The following PIEZO2 variants were observed in gnomAD, a reference collection of about 807,000 sequenced individuals.
PIEZO2 encodes the protein piezo type mechanosensitive ion channel component 2.
In PIEZO2, 172 loss-of-function variants were observed where a neutral mutation model predicts 337.3. The observed-to-expected ratio is 0.51, with a 90% confidence interval of 0.45 to 0.58. PIEZO2 has a LOEUF of 0.58. PIEZO2 is among the 20% of genes least tolerant of loss of function. The probability of loss-of-function intolerance (pLI) is 0.00; values close to 1 mark genes in which losing one functional copy is unlikely to be tolerated. For synonymous variants in PIEZO2, 1,251 were observed against 1,228.5 expected (o/e 1.02, Z -0.38); for missense variants, 3,028 against 3,391.3 (o/e 0.89, Z 2.66).
intron 2 of PIEZO2, among the ~76,000 whole-genome samples, chr18:10,995,081 A>AAAAAAAAAAAAAAAG (rs1555689841): frequency 5.8e-4 from 86 of 147,672 alleles, no homozygotes; most frequent in African/African-American, 1.6e-3. Flanking sequence ...CCGTCTCAAA[A>AAAAAAAAAAAAAAAG]AAAAAAAAAA....
At chr18:10,968,399 G>A (rs2034102209) in intron 3 of PIEZO2, among the ~76,000 whole-genome samples, 2 of 152,082 alleles carry the variant, frequency 1.3e-5, no homozygotes, top group Admixed American at 1.3e-4. Context: ...CTCCAGATTT[G>A]TTCTTTTTGG....
At chr18:11,029,626 C>G (rs953805435) in intron 2 of PIEZO2, among the ~76,000 whole-genome samples, 3 of 152,170 alleles carry the variant, frequency 2.0e-5, no homozygotes, top group African/African-American at 4.8e-5. Flanking sequence ...AACTTCAGTG[C>G]TTCTCAGCCT....
At position 11,104,957 on chromosome 18, in the gene PIEZO2, C is replaced by A. The variant is rs2039518933; in HGVS notation, c.65-38735G>T. Among the ~76,000 whole-genome samples, 1 of 152,088 alleles carries A rather than the reference C, an allele frequency of 6.6e-6. No individual in the cohort carries two copies. The highest frequency in any genetic ancestry group is 2.4e-5 in the African/African-American group (1 of 41,398). On this transcript the variant is annotated intron_variant, in intron 1 of 55. Coordinates refer to ENST00000674853, the MANE Select transcript of PIEZO2 (RefSeq NM_001378183.1). This position sits in a 1 kb window ranked among gnomAD's most constrained non-coding sequence, Gnocchi z 4.6. ...GGATCCCAGCAGGGCCACAGCGTGT[C>A]CTCTCTGGGACTTTCGCTGGAGCTA... is the stretch of plus-strand genomic sequence containing the variant.
At chr18:10,936,708 A>G (rs964004950) in intron 3 of PIEZO2, among the ~76,000 whole-genome samples, 2 of 152,250 alleles carry the variant, frequency 1.3e-5, no homozygotes, top group African/African-American at 4.8e-5. Context: ...AGGACAGGCA[A>G]TCAAAAACAT....
rs57885955 is a variant in PIEZO2, at chr18:11,143,600, AACACACAC to A, written c.64+4917_64+4924del. Among the ~76,000 whole-genome samples the A allele has an allele frequency of 0.18, 18,683 of 106,054 alleles. 1,888 individuals are homozygous for A. The highest frequency in any genetic ancestry group is 0.31 in the Middle Eastern group (49 of 156). 69.6% of individuals were successfully genotyped at this position (106,054 alleles called of 152,430 possible). A position where few individuals can be genotyped will look rare whatever the true frequency, so the allele number is the denominator to read the frequency against. ...AAAATCCTGAGAACTAAAAATCTCT[AACACACAC>A]ACACACACACACACACACACACACA... On this transcript the variant is annotated intron_variant, in intron 1 of 55. Coordinates refer to ENST00000674853, the MANE Select transcript of PIEZO2 (RefSeq NM_001378183.1). The surrounding 1 kb of genome is among the most constrained non-coding windows in gnomAD (Gnocchi z 4.9).
In PIEZO2 at chr18:11,131,016, C is replaced by T. The variant is rs973480103; in HGVS notation, c.64+17509G>A. Among the ~76,000 whole-genome samples, 19 of 152,310 alleles carry T rather than the reference C, an allele frequency of 1.2e-4. No individual in the cohort carries two copies. The highest frequency in any genetic ancestry group is 4.6e-4 in the African/African-American group (19 of 41,584). ...TAGGGATGCTGTTTGGAGCCTTTGG[C>T]AGGCTCTATAGGTGAATCACAGCAA... On this transcript the variant is annotated intron_variant, in intron 1 of 55. Transcript: ENST00000674853. The surrounding 1 kb of genome is among the most constrained non-coding windows in gnomAD (Gnocchi z 5.3).
chr18:11,075,812 A>G (rs1289756025), intron 1 of PIEZO2, among the ~76,000 whole-genome samples: 3 of 142,004 alleles, frequency 2.1e-5, no homozygotes, highest in African/African-American at 5.3e-5. Flanking sequence ...TTTTTGAGAC[A>G]GAGTCTCGCT....
intron 3 of PIEZO2, among the ~76,000 whole-genome samples, chr18:10,926,953 C>T (rs2031774220): frequency 6.6e-6 from 1 of 152,338 alleles, no homozygotes; most frequent in East Asian, 1.9e-4. Flanking sequence ...ACAGACACTT[C>T]CTGCCGCACA....
intron 2 of PIEZO2, among the ~76,000 whole-genome samples, chr18:11,030,552 A>G (rs919925613): frequency 1.3e-5 from 2 of 152,182 alleles, no homozygotes; most frequent in Non-Finnish European, 1.5e-5. Context: ...GCATTTATTC[A>G]CCATGATGTT....
Position 10,699,148 on chromosome 18 carries a change from C to T in PIEZO2, c.6471G>A (p.Met2157Ile), listed in dbSNP as rs1446816013. The part of the protein sequence containing the change: ...KCHGLWDEDD[M>I]TESGMAREES... ...CCTCCCTGGCCATGCCACTTTCAGT[C>T]ATGTCATCTTCATCCCATAAGCCAT... The change falls in exon 44 of 56, where the codon ATG (methionine) becomes ATA (isoleucine). Residue 2157 changes from methionine (M) to isoleucine (I), a missense_variant. Met to Ile is a conservative substitution (Grantham distance 10, BLOSUM62 1). This residue lies in a region of PIEZO2 where 1,925 missense variants were observed against 2,051.9 expected (regional missense o/e 0.94). Coordinates refer to ENST00000674853, the MANE Select transcript of PIEZO2 (RefSeq NM_001378183.1). 7.8e-6 allele frequency: 12 copies of T among 1,537,122 alleles called. No individual in the cohort carries two copies. The East Asian group carries it at 2.4e-4, about 31-fold the overall frequency.
chr18:10,841,804 T>TGGAGATCACA (rs1479294269), intron 7 of PIEZO2, among the ~76,000 whole-genome samples: 1 of 152,222 alleles, frequency 6.6e-6, no homozygotes, highest in Non-Finnish European at 1.5e-5. Context: ...ATTGTAATTT[T>TGGAGATCACA]GGGTTGTAAC....
At chr18:11,030,691 G>A (rs556009201) in intron 2 of PIEZO2, among the ~76,000 whole-genome samples, 25 of 152,278 alleles carry the variant, frequency 1.6e-4, no homozygotes, top group Admixed American at 1.6e-3. Context: ...CTCCATAGGG[G>A]ACGGTGCTGC....
chr18:10,799,587 A>G (rs2039730920), intron 11 of PIEZO2, among the ~76,000 whole-genome samples: 1 of 152,238 alleles, frequency 6.6e-6, no homozygotes, highest in Admixed American at 6.5e-5. Flanking sequence ...GGTCTCCTTC[A>G]ACATAAACAA....
chr18:10,701,927 T>C (rs1166586801), intron 43 of PIEZO2, 62 bp downstream of exon 43: 3 of 1,378,160 alleles, frequency 2.2e-6, no homozygotes, highest in Middle Eastern at 2.0e-4. Flanking sequence ...CTAGGAAGAT[T>C]ACGGTCCAGG....
In PIEZO2 at chr18:10,872,573, C is replaced by T. The variant is rs755818670; in HGVS notation, c.330-1158G>A. ...CTGGCAGACTTCTCACACCATTCAG[C>T]ACACGACACGGGCCAGCCATGTCCC... On this transcript the variant is annotated intron_variant, in intron 4 of 55. Transcript: ENST00000674853. The surrounding 1 kb of genome is among the most constrained non-coding windows in gnomAD (Gnocchi z 4.3). 7.2e-5 allele frequency among the ~76,000 whole-genome samples: 11 copies of T among 151,784 alleles called. No homozygotes were observed. The highest frequency in any genetic ancestry group is 1.2e-4 in the Non-Finnish European group (8 of 68,028).
chr18:10,885,351 GA>G (rs1453050528), intron 4 of PIEZO2, among the ~76,000 whole-genome samples: 2 of 152,162 alleles, frequency 1.3e-5, no homozygotes, highest in African/African-American at 2.4e-5. Context: ...ATGAACCCGG[GA>G]GGTGGAGCTT....
intron 1 of PIEZO2, among the ~76,000 whole-genome samples, chr18:11,140,384 C>CA (rs2040609133): frequency 6.6e-6 from 1 of 152,214 alleles, no homozygotes; most frequent in Non-Finnish European, 1.5e-5. Flanking sequence ...ACCAAACTGT[C>CA]AGAGCCCTTT....
intron 2 of PIEZO2, among the ~76,000 whole-genome samples, chr18:11,004,033 A>G (rs1361743762): frequency 1.3e-5 from 2 of 152,166 alleles, no homozygotes; most frequent in African/African-American, 4.8e-5. Context: ...CAAAGGCCTG[A>G]GAAGGGGTAG....
intron 5 of PIEZO2, among the ~76,000 whole-genome samples, chr18:10,864,627 C>T (rs2144748178): frequency 6.6e-6 from 1 of 152,286 alleles, no homozygotes; most frequent in Non-Finnish European, 1.5e-5. Context: ...AATAAACATG[C>T]CCATAGATAA....
Sources: gnomAD v4.1 joint callset for allele counts (sites outside exome capture counted in the v4.1 genomes callset) on GRCh38, gnomAD v4.1.1 for gene constraint, gnomAD v4.1.1 regional missense constraint, Gnocchi (gnomAD v3.1) non-coding constraint, MANE v1.5 for transcripts, NCBI Gene and HGNC (gene_info 2026-07-23, HGNC 2026-07-21) for gene names.